The following CADPS2 variants were observed in gnomAD, a reference collection of about 807,000 sequenced individuals.
CADPS2 encodes calcium-dependent secretion activator 2.
Under a neutral mutation model 172.5 loss-of-function variants are expected in CADPS2, and 93 were observed. The ratio of observed to expected loss-of-function variants is 0.54; its 90% confidence interval spans 0.46 to 0.64. The LOEUF (loss-of-function observed/expected upper bound fraction) is 0.64, where lower values mean the gene tolerates loss of function less well. Ranked by LOEUF, CADPS2 falls within the 30% of genes least tolerant of loss-of-function variation. The pLI, the probability that CADPS2 is intolerant of heterozygous loss-of-function variation, is 0.00. For synonymous variants in CADPS2, 546 were observed against 555.2 expected, an observed-to-expected ratio of 0.98 and a Z score of 0.23; for missense variants, 1,420 against 1,565.9, an observed-to-expected ratio of 0.91 and a Z score of 1.57.
rs149315437 is a variant in CADPS2 at position 122,669,725 on chromosome 7, C to T, written c.454-6156G>A. The stretch of plus-strand genomic sequence containing the variant: ...TGTGGAGCCTTCCACATCACACATA[C>T]TCTGAAGGCCATCACGAAGCCTGAA... On this transcript the variant is annotated intron_variant, in intron 2 of 29. Transcript: ENST00000449022. Among the ~76,000 whole-genome samples, 20 of 152,184 alleles carry T rather than the reference C, an allele frequency of 1.3e-4. No homozygotes were observed. The East Asian group carries it at 3.7e-3, about 28-fold the overall frequency.
intron 1 of CADPS2, among the ~76,000 whole-genome samples, chr7:122,806,886 G>A (rs1798900883): frequency 6.6e-6 from 1 of 152,058 alleles, no homozygotes; most frequent in Non-Finnish European, 1.5e-5. Flanking sequence ...TTAATCTATG[G>A]GACAGGGGAG....
At chr7:122,488,492 G>A (rs1339745366) in intron 11 of CADPS2, among the ~76,000 whole-genome samples, 1 of 152,236 alleles carries the variant, frequency 6.6e-6, no homozygotes, top group Non-Finnish European at 1.5e-5. Context: ...ATTCATAGGT[G>A]TCTGGAGTTG....
chr7:122,538,460 G>A (rs1338027293), intron 8 of CADPS2, among the ~76,000 whole-genome samples: 10 of 148,094 alleles, frequency 6.8e-5, no homozygotes, highest in Admixed American at 6.1e-4. Context: ...TAAATTGAAG[G>A]GTATTATTTA....
At chr7:122,647,975 C>G (rs185603789) in intron 3 of CADPS2, among the ~76,000 whole-genome samples, 8 of 152,292 alleles carry the variant, frequency 5.3e-5, no homozygotes, top group African/African-American at 1.7e-4. Context: ...GTTAGTTCTT[C>G]TCTAAACCCA....
chr7:122,360,957 A>T lies in CADPS2; in HGVS notation c.3444T>A (p.Thr1148=). 6.2e-7 allele frequency: 1 copy of T among 1,613,800 alleles called. No individual in the cohort carries two copies. Among genetic ancestry groups the T allele is most frequent in the Non-Finnish European group, 8.5e-7 (1 of 1,179,796 alleles). Residue 1148 remains threonine, a synonymous_variant, in exon 26 of 30, where the codon ACT becomes ACA. Transcript: ENST00000449022. ...TGAATGACAGAATGGATGAAAAGAA[A>T]GTGCCTTCATCATACCTTGACAGCT... ...LSKLSRYDEG[T]FFSSILSFTV... is the part of the protein sequence containing the mutation.
chr7:122,575,428 TTTCTC>T (rs1286423724), intron 7 of CADPS2, among the ~76,000 whole-genome samples: 1 of 151,446 alleles, frequency 6.6e-6, no homozygotes, highest in East Asian at 1.9e-4. Context: ...TTTCTTTTCT[TTTCTC>T]TTCTTTTCCT....
intron 2 of CADPS2, among the ~76,000 whole-genome samples, chr7:122,672,179 A>G (rs1384540031): frequency 6.6e-6 from 1 of 152,264 alleles, no homozygotes; most frequent in African/African-American, 2.4e-5. Context: ...GAAACTAACA[A>G]TGATGGGTTT....
intron 1 of CADPS2, among the ~76,000 whole-genome samples, chr7:122,761,590 C>T (rs977534424): frequency 6.6e-6 from 1 of 151,822 alleles, no homozygotes; most frequent in Non-Finnish European, 1.5e-5. Context: ...AGCAGGACGA[C>T]AAAAACCACC....
intron 27 of CADPS2, among the ~76,000 whole-genome samples, chr7:122,360,208 C>A (rs909018432): frequency 6.6e-6 from 1 of 152,138 alleles, no homozygotes; most frequent in South Asian, 2.1e-4. Context: ...AAATGCTGCA[C>A]AACTTGTTGG....
At chr7:122,682,591 GA>G (rs199818209) in intron 2 of CADPS2, among the ~76,000 whole-genome samples, 88 of 151,888 alleles carry the variant, frequency 5.8e-4, no homozygotes, top group African/African-American at 1.8e-3. Flanking sequence ...TTTACTATCT[GA>G]AAAAAAATAT....
At chr7:122,628,585 GAAGT>G (rs1374882384) in intron 4 of CADPS2, among the ~76,000 whole-genome samples, 4 of 151,374 alleles carry the variant, frequency 2.6e-5, no homozygotes, top group African/African-American at 4.9e-5. Context: ...TCATATCATT[GAAGT>G]AAGTTAATAA....
intron 8 of CADPS2, among the ~76,000 whole-genome samples, chr7:122,540,981 G>C (rs913198231): frequency 7.2e-5 from 11 of 151,976 alleles, no homozygotes; most frequent in African/African-American, 1.2e-4. Context: ...TAAATACATA[G>C]AGAGTACTTA....
At chr7:122,401,612 C>T (rs1002896459) in intron 20 of CADPS2, among the ~76,000 whole-genome samples, 1 of 152,200 alleles carries the variant, frequency 6.6e-6, no homozygotes, top group Non-Finnish European at 1.5e-5. Context: ...GTGCCAATTA[C>T]TTCATTATGA....
chr7:122,738,950 A>G (rs925946029), intron 1 of CADPS2, among the ~76,000 whole-genome samples: 1 of 152,088 alleles, frequency 6.6e-6, no homozygotes, highest in East Asian at 1.9e-4. Flanking sequence ...GAGGAAGCTT[A>G]ACCAAGCTGA....
chr7:122,744,860 C>A (rs181938216), intron 1 of CADPS2, among the ~76,000 whole-genome samples: 15 of 152,020 alleles, frequency 9.9e-5, no homozygotes, highest in Non-Finnish European at 1.8e-4. Flanking sequence ...CATTGTCTGG[C>A]GTGGGCAGGG....
intron 1 of CADPS2, among the ~76,000 whole-genome samples, chr7:122,871,305 T>C (rs1352591430): frequency 1.3e-5 from 2 of 152,004 alleles, no homozygotes; most frequent in Non-Finnish European, 1.5e-5. Context: ...CAATCTTAAG[T>C]ACTCAATATC....
intron 3 of CADPS2, among the ~76,000 whole-genome samples, chr7:122,656,194 G>C (rs1049275355): frequency 6.6e-6 from 1 of 152,126 alleles, no homozygotes; most frequent in Non-Finnish European, 1.5e-5. Context: ...CCCAAACTTT[G>C]CTGGACTTTC....
At chr7:122,712,326 C>T (rs1303168236) in intron 2 of CADPS2, among the ~76,000 whole-genome samples, 1 of 152,094 alleles carries the variant, frequency 6.6e-6, no homozygotes, top group African/African-American at 2.4e-5. Flanking sequence ...GACTAAGGAC[C>T]TGCCATGCCT....
chr7:122,337,892 A>C (rs756584057), intron 28 of CADPS2, among the ~76,000 whole-genome samples: 1 of 152,240 alleles, frequency 6.6e-6, no homozygotes, highest in Non-Finnish European at 1.5e-5. Context: ...AAATACCATA[A>C]GTAAACCAAA....
Sources: allele counts gnomAD v4.1 joint callset (sites outside exome capture counted in the v4.1 genomes callset), GRCh38; gene constraint gnomAD v4.1.1; transcripts MANE v1.5; gene names NCBI Gene and HGNC (gene_info 2026-07-23, HGNC 2026-07-21).